NOTCH1: variants seen among roughly 807,000 people sequenced by gnomAD.
The protein encoded by NOTCH1 is neurogenic locus notch homolog protein 1.
NOTCH1 carries 37 observed loss-of-function variants against 254.8 expected under a neutral mutation model. The ratio of observed to expected loss-of-function variants is 0.15; its 90% CI spans 0.11 to 0.19. The LOEUF (loss-of-function observed/expected upper bound fraction) is 0.19. NOTCH1 is among the 10% of genes least tolerant of loss of function. The pLI is 1.00. For synonymous variants in NOTCH1, 1,731 were observed against 1,618.1 expected, an observed-to-expected ratio of 1.07 and a Z score of -1.68; for missense variants, 2,972 against 3,708.6, an observed-to-expected ratio of 0.80 and a Z score of 5.16.
In NOTCH1 at chr9:136,497,371, T is replaced by C. The variant is rs1231728811; in HGVS notation, c.6368A>G (p.Gln2123Arg). ...LDEYNLVRSP[Q>R]LHGAPLGGTP... is the part of the protein sequence containing the mutation. Reference sequence around the variant, plus strand: ...GCCCCCCAGCGGGGCTCCGTGCAGCTGCGGGCTGCGCACCAGGTTGTACTC... The same window carrying C: ...GCCCCCCAGCGGGGCTCCGTGCAGCCGCGGGCTGCGCACCAGGTTGTACTC... The change falls in exon 34 of 34, where the codon CAG (glutamine) becomes CGG (arginine). Residue 2123 changes from glutamine to arginine, a missense_variant. Gln to Arg is a conservative substitution (Grantham distance 43). Transcript: ENST00000651671. 2 of 1,608,074 alleles carry C rather than the reference T, an allele frequency of 1.2e-6. No individual in the cohort carries two copies. The highest frequency in any genetic ancestry group is 3.3e-5 in the Admixed American group (2 of 59,952).
intron 4 of NOTCH1, among the ~76,000 whole-genome samples, chr9:136,520,780 C>T (rs1334595044): frequency 6.6e-6 from 1 of 152,034 alleles, no homozygotes; most frequent in East Asian, 1.9e-4. Flanking sequence ...CCCGGTCCCA[C>T]TCATGTGTGG....
chr9:136,501,035 G>A (rs1842987177), intron 30 of NOTCH1, among the ~76,000 whole-genome samples, 188 bp from the exon 31 acceptor site: 1 of 152,216 alleles, frequency 6.6e-6, no homozygotes, highest in South Asian at 2.1e-4. Context: ...GGACAGAGCC[G>A]AATCCAGCTT....
Position 136,508,863 on chromosome 9 carries a change from C to T in NOTCH1, c.3171+7G>A. 6.5e-7 allele frequency: 1 copy of T among 1,541,526 alleles called. No homozygotes were observed. The highest frequency in any genetic ancestry group is 8.8e-7 in the Non-Finnish European group (1 of 1,141,622). ...CCTTCGGGCACCTCTGTGGCCGGCG[C>T]ACTCACCTGGCAGTTGGGGCCAGTG... On this transcript the variant is annotated splice_region_variant and intron_variant, in intron 19 of 33. Transcript: ENST00000651671.
intron 31 of NOTCH1, 33 bp downstream of exon 31, chr9:136,500,519 G>A (rs767981859): frequency 1.9e-6 from 3 of 1,606,252 alleles, no homozygotes; most frequent in African/African-American, 1.3e-5. Context: ...GCCCTGAGGA[G>A]GGCAGGTGGG....
chr9:136,503,019 G>A, intron 27 of NOTCH1, 163 bp downstream of exon 27: 1 of 1,017,302 alleles, frequency 9.8e-7, no homozygotes. Flanking sequence ...GCAGGTGGGG[G>A]CGGAGTGCCA....
intron 1 of NOTCH1, among the ~76,000 whole-genome samples, chr9:136,544,988 A>G (rs1313011868): frequency 6.6e-6 from 1 of 152,274 alleles, no homozygotes; most frequent in East Asian, 1.9e-4. Context: ...GAAAGAGTGG[A>G]TTAATCACTC....
intron 12 of NOTCH1, 68 bp downstream of exon 12, chr9:136,515,222 C>G (rs778528419): frequency 8.1e-6 from 12 of 1,472,932 alleles, no homozygotes; most frequent in Non-Finnish European, 1.1e-5. Context: ...TCAGCAGCCC[C>G]AGGGCAGAGT....
chr9:136,520,723 G>A (rs1292922802), intron 4 of NOTCH1, among the ~76,000 whole-genome samples: 2 of 134,102 alleles, frequency 1.5e-5, no homozygotes, highest in Admixed American at 7.5e-5. Context: ...GAGTGACAGA[G>A]ACCTGTCTCA....
In NOTCH1 at chr9:136,522,858, C is replaced by A; in HGVS notation, c.734G>T (p.Cys245Phe). 1 of 1,498,956 alleles carries A rather than the reference C, an allele frequency of 6.7e-7. No individual in the cohort carries two copies. 92.9% of individuals were successfully genotyped at this position (1,498,956 alleles called of 1,614,324 possible). A position where few individuals can be genotyped will look rare whatever the true frequency, so the allele number is the denominator to read the frequency against. ...CCAGCGGGCAGCACTACCTGGCAGG[C>A]AGGCACACTCGTGGGTGACGTCGCC... is the stretch of plus-strand genomic sequence containing the variant. ...PTGDVTHECA[C>F]LPGFTGQNCE... The change falls in exon 4 of 34, where the codon TGC becomes TTC. Residue 245 changes from cysteine (C) to phenylalanine (F), a missense_variant. Transcript: ENST00000651671.
In NOTCH1 at chr9:136,505,578, T is replaced by C. The variant is rs2133339788; in HGVS notation, c.4318A>G (p.Ile1440Val). 6.2e-7 allele frequency: 1 copy of C among 1,610,108 alleles called. No homozygotes were observed. Among genetic ancestry groups the C allele is most frequent in the Non-Finnish European group, 8.5e-7 (1 of 1,178,786 alleles). ...YSFGGGAGRD[I>V]PPPLIEEACE... Reference sequence around the variant, plus strand: ...GCCTCCTCGATCAGCGGCGGGGGGATGTCGCGCCCGGCCCCACCCCCGAAG... The same window carrying C: ...GCCTCCTCGATCAGCGGCGGGGGGACGTCGCGCCCGGCCCCACCCCCGAAG... Residue 1440 changes from isoleucine to valine, a missense_variant, in exon 25 of 34, where the codon ATC (isoleucine) becomes GTC (valine). Ile to Val is a conservative substitution (Grantham distance 29, BLOSUM62 3). Around this residue, in one of 8 missense-constraint regions of NOTCH1, gnomAD observed 1,343 missense variants for 1,557.0 expected, o/e 0.86. Coordinates refer to ENST00000651671, the MANE Select transcript of NOTCH1 (RefSeq NM_017617.5).
chr9:136,533,571 C>T (rs1229932179), intron 2 of NOTCH1, among the ~76,000 whole-genome samples: 5 of 152,242 alleles, frequency 3.3e-5, no homozygotes, highest in African/African-American at 7.2e-5. Flanking sequence ...CCGGCAAGCC[C>T]AGCCCCTGCC....
intron 19 of NOTCH1, 54 bp from the exon 20 acceptor site, chr9:136,508,439 A>T: frequency 6.2e-7 from 1 of 1,611,144 alleles, no homozygotes; most frequent in South Asian, 1.1e-5. Flanking sequence ...TTTCCCCGGT[A>T]GCTCAGAACG....
intron 4 of NOTCH1, among the ~76,000 whole-genome samples, chr9:136,522,188 A>G (rs1019741835): frequency 6.6e-6 from 1 of 152,120 alleles, no homozygotes; most frequent in Admixed American, 6.5e-5. Context: ...CGTGTTAGCC[A>G]GGATGGTCTC....
intron 2 of NOTCH1, among the ~76,000 whole-genome samples, chr9:136,531,911 GCA>G (rs1843568306): frequency 6.6e-6 from 1 of 152,234 alleles, no homozygotes; most frequent in African/African-American, 2.4e-5. Context: ...ACCACACGAG[GCA>G]CAGAGGGGCC....
At chr9:136,511,119 T>C (rs781086733) in intron 16 of NOTCH1, 33 bp downstream of exon 16, 3 of 1,612,626 alleles carry the variant, frequency 1.9e-6, no homozygotes, top group East Asian at 2.2e-5. Context: ...TGACCTCCCA[T>C]CCCAGCCCTC....
rs367958280 is a variant in NOTCH1 at position 136,501,919 on chromosome 9, T to C, written c.5473-6A>G. ...AGAACCACGGGCTCCTCGAACTACA[T>C]AGAGGGAGTGAGCAGAGCCTGTCAG... is the stretch of plus-strand genomic sequence containing the variant. On this transcript the variant is annotated splice_polypyrimidine_tract_variant and splice_region_variant and intron_variant, in intron 29 of 33. Transcript: ENST00000651671. 2.1e-5 allele frequency: 34 copies of C among 1,611,258 alleles called. No individual in the cohort carries two copies. Among genetic ancestry groups the C allele is most frequent in the South Asian group, 9.9e-5 (9 of 91,070 alleles).
chr9:136,539,139 C>T (rs908167216), intron 2 of NOTCH1, among the ~76,000 whole-genome samples: 4 of 152,250 alleles, frequency 2.6e-5, no homozygotes, highest in East Asian at 1.9e-4. Context: ...GGTGCACTGT[C>T]TGCCCTGCCC....
Position 136,511,366 on chromosome 9 carries a change from C to T in NOTCH1, c.2468-95G>A, listed in dbSNP as rs952489444. On this transcript the variant is annotated intron_variant, in intron 15 of 33. Transcript: ENST00000651671. Reference sequence around the variant, plus strand: ...GCTGGTCTTTCCGCCATCAGAGTGCCGTCTGCTGGTCCCGCCGGGAGGCAA... The same window carrying T: ...GCTGGTCTTTCCGCCATCAGAGTGCTGTCTGCTGGTCCCGCCGGGAGGCAA... 6.1e-5 allele frequency: 90 copies of T among 1,467,202 alleles called. No individual in the cohort carries two copies. In the East Asian group the frequency reaches 1.0e-3, roughly 17 times the overall value. The allele number at this position is 1,467,202 out of a possible 1,614,324, so 90.9% of individuals were successfully genotyped here.
At chr9:136,505,984 A>C in intron 24 of NOTCH1, 103 bp from the exon 25 acceptor site, 6 of 1,037,128 alleles carry the variant, frequency 5.8e-6, no homozygotes, top group Non-Finnish European at 8.3e-6. Context: ...CTCTCCTCTA[A>C]CCTGGGAGGC....
Sources: allele counts gnomAD v4.1 joint callset (sites outside exome capture counted in the v4.1 genomes callset), GRCh38; gene constraint gnomAD v4.1.1; regional missense constraint gnomAD v4.1.1; transcripts MANE v1.5; gene names NCBI Gene and HGNC (gene_info 2026-07-23, HGNC 2026-07-21).